The following APP variants were observed in gnomAD, a reference collection of about 807,000 sequenced individuals.
APP encodes amyloid-beta precursor protein.
APP carries 31 observed loss-of-function variants against 101.4 expected under a neutral mutation model. That is an observed-to-expected ratio of 0.31 (90% CI 0.23 to 0.41). APP has a LOEUF of 0.41. Among genes scored for constraint, APP ranks in the 10% least tolerant of loss-of-function variants. APP has a pLI of 1.00. For synonymous variants in APP, 366 were observed against 364.4 expected (o/e 1.00, Z -0.05); for missense variants, 839 against 1,003.7 (o/e 0.84, Z 2.22).
chr21:25,997,565 A>G (rs2043106333), intron 7 of APP, 149 bp from the exon 8 acceptor site: 1 of 695,902 alleles, frequency 1.4e-6, no homozygotes, highest in Non-Finnish European at 2.6e-6. Context: ...CAAAATGAAC[A>G]TATAAACATA....
chr21:25,980,306 G>A (rs2042379920), intron 9 of APP, among the ~76,000 whole-genome samples: 1 of 152,186 alleles, frequency 6.6e-6, no homozygotes, highest in African/African-American at 2.4e-5. Context: ...GCCCAGAAGT[G>A]GATTTGTGAG....
chr21:25,976,228 A>G (rs1006058244), intron 9 of APP, among the ~76,000 whole-genome samples, 200 bp from the exon 10 acceptor site: 36 of 152,242 alleles, frequency 2.4e-4, no homozygotes, highest in African/African-American at 7.2e-4. Flanking sequence ...TATATTAAAC[A>G]TAAATGTTCA....
intron 13 of APP, among the ~76,000 whole-genome samples, chr21:25,943,336 G>A (rs2040658731): frequency 6.6e-6 from 1 of 151,848 alleles, no homozygotes; most frequent in East Asian, 1.9e-4. Context: ...TGTATTTTTA[G>A]TAGAGACGGG....
intron 1 of APP, among the ~76,000 whole-genome samples, chr21:26,131,403 G>A (rs978634635): frequency 2.0e-5 from 3 of 152,064 alleles, no homozygotes; most frequent in Non-Finnish European, 2.9e-5. Flanking sequence ...TTCTATAAAC[G>A]TTTTTCCTTT....
chr21:26,163,434 T>C (rs913281008), intron 1 of APP, among the ~76,000 whole-genome samples: 19 of 152,138 alleles, frequency 1.2e-4, no homozygotes, highest in African/African-American at 4.1e-4. Flanking sequence ...CTGCACTTCA[T>C]TCATCAGGAT....
chr21:25,900,838 A>T (rs993474583), intron 15 of APP, among the ~76,000 whole-genome samples: 2 of 151,514 alleles, frequency 1.3e-5, no homozygotes, highest in Non-Finnish European at 2.9e-5. Flanking sequence ...AAATACAAAA[A>T]ATTAGCCGGA....
At chr21:26,034,387 G>A (rs1437743037) in intron 5 of APP, among the ~76,000 whole-genome samples, 1 of 152,152 alleles carries the variant, frequency 6.6e-6, no homozygotes, top group Non-Finnish European at 1.5e-5. Flanking sequence ...GCTCAGGCCT[G>A]TAATCCCAGC....
chr21:26,062,461 G>C (rs1428348192), intron 3 of APP, among the ~76,000 whole-genome samples: 1 of 151,824 alleles, frequency 6.6e-6, no homozygotes, highest in African/African-American at 2.4e-5. Flanking sequence ...TCAGGAGTTC[G>C]AGACCAGCCT....
intron 3 of APP, among the ~76,000 whole-genome samples, chr21:26,087,900 T>A (rs2061734571): frequency 6.6e-6 from 1 of 152,252 alleles, no homozygotes; most frequent in South Asian, 2.1e-4. Context: ...CGTGTAATTA[T>A]AATATTATTA....
In APP at chr21:26,021,948, C is replaced by T. The variant is rs1340748372; in HGVS notation, c.757G>A (p.Glu253Lys). The T allele has an allele frequency of 6.2e-7, 1 of 1,613,594 alleles. No homozygotes were observed. The highest frequency in any genetic ancestry group is 8.5e-7 in the Non-Finnish European group (1 of 1,179,774). ...GGTTCCTCAGCCTCTTCCTCTACCT[C>T]ATCACCATCCTCATCGTCCTCGTCA... is the stretch of plus-strand genomic sequence containing the variant. ...DDDEDDEDGD[E>K]VEEEAEEPYE... The change falls in exon 6 of 18, where the codon GAG (glutamate) becomes AAG (lysine). Residue 253 changes from glutamate (E) to lysine (K), a missense_variant. Physicochemically the swap from Glu to Lys is moderately conservative, Grantham distance 56. Transcript: ENST00000346798.
At chr21:25,951,285 AAG>A (rs2041064457) in intron 13 of APP, among the ~76,000 whole-genome samples, 1 of 152,212 alleles carries the variant, frequency 6.6e-6, no homozygotes, top group Admixed American at 6.5e-5. Flanking sequence ...TCACCCATAA[AAG>A]AGAATTCTAA....
At chr21:25,893,408 G>C (rs2037825232) in intron 16 of APP, among the ~76,000 whole-genome samples, 1 of 152,224 alleles carries the variant, frequency 6.6e-6, no homozygotes, top group African/African-American at 2.4e-5. Flanking sequence ...AAGGCATATT[G>C]AAAGCCAAGA....
intron 6 of APP, among the ~76,000 whole-genome samples, chr21:26,012,716 A>G (rs1352919835): frequency 8.2e-3 from 1 of 122 alleles, no homozygotes; most frequent in Non-Finnish European, 0.015. Flanking sequence ...GGCTCAAACC[A>G]GTAACCCAGC....
chr21:26,069,872 T>C (rs758833252), intron 3 of APP, among the ~76,000 whole-genome samples: 6 of 152,220 alleles, frequency 3.9e-5, no homozygotes, highest in South Asian at 2.1e-4. Flanking sequence ...AGAAAAAAGA[T>C]GTCACTGCAT....
At chr21:26,140,144 C>G (rs2063010949) in intron 1 of APP, 3 of 1,515,822 alleles carry the variant, frequency 2.0e-6, no homozygotes, top group Admixed American at 2.0e-5. Flanking sequence ...CTTCACAGTA[C>G]TCACTTACAT....
chr21:26,152,267 A>C (rs1366134796), intron 1 of APP, among the ~76,000 whole-genome samples: 2 of 139,946 alleles, frequency 1.4e-5, no homozygotes, highest in Non-Finnish European at 3.0e-5. Flanking sequence ...TCTGGGCGAC[A>C]GAGCAAGACT....
intron 5 of APP, among the ~76,000 whole-genome samples, chr21:26,047,031 G>C (rs2045639335): frequency 1.3e-5 from 2 of 152,122 alleles, no homozygotes; most frequent in Non-Finnish European, 2.9e-5. Context: ...GGTATTTTGA[G>C]GTGATCTGAG....
At chr21:26,126,480 T>C (rs1278631583) in intron 1 of APP, among the ~76,000 whole-genome samples, 1 of 152,332 alleles carries the variant, frequency 6.6e-6, no homozygotes, top group East Asian at 1.9e-4. Context: ...CTCACCCATG[T>C]TGTTCAGCTA....
chr21:25,951,314 C>T (rs143005396), intron 13 of APP, among the ~76,000 whole-genome samples: 503 of 152,344 alleles, frequency 3.3e-3, no homozygotes, highest in Non-Finnish European at 5.1e-3. Context: ...GCATAATTTA[C>T]TGAAGCAGAT....
Sources: allele counts gnomAD v4.1 joint callset (sites outside exome capture counted in the v4.1 genomes callset), GRCh38; gene constraint gnomAD v4.1.1; transcripts MANE v1.5; gene names NCBI Gene and HGNC (gene_info 2026-07-23, HGNC 2026-07-21).